PSTPIP2: variants seen among roughly 807,000 people sequenced by gnomAD.
The protein encoded by PSTPIP2 is proline-serine-threonine phosphatase interacting protein 2, also known as proline-serine-threonine phosphatase-interacting protein 2.
A neutral mutation model predicts 63.3 loss-of-function variants in PSTPIP2; 33 were observed. The ratio of observed to expected loss-of-function variants is 0.52; its 90% CI spans 0.40 to 0.70. The LOEUF is 0.70. Ranked by LOEUF, PSTPIP2 falls within the 30% of genes least tolerant of loss-of-function variation. The pLI is 0.00. For missense variants in PSTPIP2, 312 were observed against 400.7 expected (o/e 0.78, Z 1.89); for synonymous variants, 125 against 132.7 (o/e 0.94, Z 0.40).
intron 4 of PSTPIP2, among the ~76,000 whole-genome samples, chr18:46,013,949 G>T (rs2144085450): frequency 6.6e-6 from 1 of 151,982 alleles, no homozygotes; most frequent in East Asian, 1.9e-4. Flanking sequence ...TTCAAACCAA[G>T]AAAATAAATC....
intron 2 of PSTPIP2, among the ~76,000 whole-genome samples, 188 bp downstream of exon 2, chr18:46,039,759 G>A (rs1024952682): frequency 3.9e-5 from 6 of 152,116 alleles, no homozygotes; most frequent in African/African-American, 1.4e-4. Context: ...TAAATCTTAT[G>A]TGTCAAACTT....
intron 2 of PSTPIP2, among the ~76,000 whole-genome samples, chr18:46,033,963 C>T (rs1907875892): frequency 6.6e-6 from 1 of 152,190 alleles, no homozygotes; most frequent in South Asian, 2.1e-4. Context: ...CAGTTAGAGG[C>T]AATTTGTCCC....
At chr18:46,025,134 G>A (rs1907532420) in intron 2 of PSTPIP2, among the ~76,000 whole-genome samples, 1 of 152,068 alleles carries the variant, frequency 6.6e-6, no homozygotes, top group African/African-American at 2.4e-5. Flanking sequence ...TTGTTACTCA[G>A]CATTGCAGGG....
At chr18:46,020,928 G>T (rs577337492) in intron 3 of PSTPIP2, among the ~76,000 whole-genome samples, 1 of 152,322 alleles carries the variant, frequency 6.6e-6, no homozygotes, top group South Asian at 2.1e-4. Context: ...ATCATTTCGG[G>T]TCAGATTCAT....
At chr18:45,996,623 A>G (rs1398768590) in intron 9 of PSTPIP2, among the ~76,000 whole-genome samples, 2 of 151,598 alleles carry the variant, frequency 1.3e-5, no homozygotes, top group East Asian at 3.9e-4. Flanking sequence ...GTATGAGGAG[A>G]GTAAAAAAAA....
At chr18:46,053,113 G>T (rs1324643580) in intron 1 of PSTPIP2, among the ~76,000 whole-genome samples, 1 of 152,018 alleles carries the variant, frequency 6.6e-6, no homozygotes. Context: ...TTTATTCCAA[G>T]AACTTTTCAC....
intron 1 of PSTPIP2, among the ~76,000 whole-genome samples, chr18:46,065,092 C>T (rs1347723042): frequency 1.4e-5 from 2 of 143,986 alleles, no homozygotes; most frequent in East Asian, 4.4e-4. Flanking sequence ...TACAGTGAGC[C>T]GAGGTCGTGC....
intron 3 of PSTPIP2, among the ~76,000 whole-genome samples, chr18:46,016,991 T>G (rs904735768): frequency 1.3e-5 from 2 of 152,230 alleles, no homozygotes; most frequent in Admixed American, 1.3e-4. Flanking sequence ...ATGTGCCATA[T>G]TCTTTGCTCA....
chr18:46,041,889 G>A (rs1908208231), intron 1 of PSTPIP2, among the ~76,000 whole-genome samples: 2 of 152,178 alleles, frequency 1.3e-5, no homozygotes, highest in Non-Finnish European at 2.9e-5. Context: ...CCAGTTTGCA[G>A]AAGGAAGTGT....
At chr18:46,053,735 G>A (rs758799588) in intron 1 of PSTPIP2, among the ~76,000 whole-genome samples, 10 of 152,174 alleles carry the variant, frequency 6.6e-5, no homozygotes, top group Non-Finnish European at 1.3e-4. Flanking sequence ...TCCTTCAATA[G>A]GTGAGTGGAT....
At chr18:46,064,611 T>C (rs569921894) in intron 1 of PSTPIP2, among the ~76,000 whole-genome samples, 14 of 151,458 alleles carry the variant, frequency 9.2e-5, no homozygotes, top group African/African-American at 3.4e-4. Flanking sequence ...TGCTGTCTGG[T>C]TTCTTAATGG....
At chr18:46,064,956 C>T (rs901812064) in intron 1 of PSTPIP2, among the ~76,000 whole-genome samples, 6 of 151,412 alleles carry the variant, frequency 4.0e-5, no homozygotes, top group African/African-American at 1.5e-4. Context: ...ACCAGCCTGA[C>T]CAACATGGAA....
chr18:46,017,814 A>G (rs1325033761), intron 3 of PSTPIP2, among the ~76,000 whole-genome samples: 1 of 152,142 alleles, frequency 6.6e-6, no homozygotes, highest in African/African-American at 2.4e-5. Flanking sequence ...AGAATATAAT[A>G]CATTATTATT....
At chr18:46,048,837 A>G (rs765951639) in intron 1 of PSTPIP2, among the ~76,000 whole-genome samples, 33 of 152,204 alleles carry the variant, frequency 2.2e-4, no homozygotes, top group Admixed American at 7.9e-4. Flanking sequence ...AGTAGGGTCT[A>G]TATATTAGCT....
chr18:46,023,224 T>C (rs1907439341), intron 3 of PSTPIP2, among the ~76,000 whole-genome samples: 1 of 152,292 alleles, frequency 6.6e-6, no homozygotes, highest in South Asian at 2.1e-4. Flanking sequence ...TAACACATGT[T>C]TACCTATATA....
At chr18:46,011,342 A>C in intron 4 of PSTPIP2, 55 bp from the exon 5 acceptor site, 1 of 1,309,926 alleles carries the variant, frequency 7.6e-7, no homozygotes, top group African/African-American at 1.5e-5. Flanking sequence ...GAATTAAAAT[A>C]TATAAAATCA....
chr18:46,005,544 C>T lies in PSTPIP2; in HGVS notation c.355-13G>A. ...TTATGAGCTCTGTCTGTAAAGAGAT[C>T]ATAAACACTCTTAATAAAAACACAA... On this transcript the variant is annotated splice_polypyrimidine_tract_variant and intron_variant, in intron 5 of 14. Coordinates refer to ENST00000409746, the MANE Select transcript of PSTPIP2 (RefSeq NM_024430.4). 6.5e-7 allele frequency: 1 copy of T among 1,541,492 alleles called. No homozygotes were observed. Among genetic ancestry groups the T allele is most frequent in the African/African-American group, 1.4e-5 (1 of 72,358 alleles).
At chr18:46,064,625 A>G (rs1909117500) in intron 1 of PSTPIP2, among the ~76,000 whole-genome samples, 1 of 151,860 alleles carries the variant, frequency 6.6e-6, no homozygotes, top group African/African-American at 2.4e-5. Context: ...TTAATGGAGT[A>G]GAGGCAAGAT....
chr18:46,053,620 T>C (rs1908653243), intron 1 of PSTPIP2, among the ~76,000 whole-genome samples: 1 of 152,228 alleles, frequency 6.6e-6, no homozygotes, highest in African/African-American at 2.4e-5. Flanking sequence ...TCATTGAAAC[T>C]AAACCTCAAC....
Sources: gnomAD v4.1 joint callset for allele counts (sites outside exome capture counted in the v4.1 genomes callset) on GRCh38, gnomAD v4.1.1 for gene constraint, MANE v1.5 for transcripts, NCBI Gene and HGNC (gene_info 2026-07-23, HGNC 2026-07-21) for gene names.